The following TRAPPC9 variants were observed in gnomAD, a reference collection of about 807,000 sequenced individuals.
TRAPPC9 encodes the protein trafficking protein particle complex subunit 9, also known as IKK2 binding protein.
A neutral mutation model predicts 124.0 loss-of-function variants in TRAPPC9; 83 were observed. That is an observed-to-expected ratio of 0.67 (90% CI 0.56 to 0.80). The LOEUF (loss-of-function observed/expected upper bound fraction) is 0.80. TRAPPC9 is among the 30% of genes least tolerant of loss of function. TRAPPC9 has a pLI of 0.00. For synonymous variants in TRAPPC9, 638 were observed against 617.5 expected, an observed-to-expected ratio of 1.03 and a Z score of -0.49; for missense variants, 1,302 against 1,508.3, an observed-to-expected ratio of 0.86 and a Z score of 2.27.
chr8:140,272,013 C>T (rs1330432822), intron 15 of TRAPPC9, among the ~76,000 whole-genome samples: 19 of 147,770 alleles, frequency 1.3e-4, no homozygotes, highest in Middle Eastern at 3.5e-3. Flanking sequence ...ATGGTGGTGA[C>T]GGGTGATGGT....
intron 7 of TRAPPC9, among the ~76,000 whole-genome samples, chr8:140,381,222 A>T (rs2068598631): frequency 6.7e-6 from 1 of 149,198 alleles, no homozygotes; most frequent in South Asian, 2.1e-4. Context: ...AAAAAAAAAG[A>T]AGAAGAAAAG....
At chr8:140,069,556 G>A (rs1180632509) in intron 17 of TRAPPC9, among the ~76,000 whole-genome samples, 1 of 129,826 alleles carries the variant, frequency 7.7e-6, no homozygotes, top group Non-Finnish European at 1.7e-5. Context: ...CAACTTTGTG[G>A]CCTGCAAATC....
At chr8:139,866,796 A>C (rs764885294) in intron 21 of TRAPPC9, among the ~76,000 whole-genome samples, 1 of 152,042 alleles carries the variant, frequency 6.6e-6, no homozygotes, top group Non-Finnish European at 1.5e-5. Context: ...TTCTATTCAT[A>C]TGTATATGTC....
chr8:139,885,085 T>TG (rs2131110540), intron 21 of TRAPPC9, among the ~76,000 whole-genome samples: 1 of 152,286 alleles, frequency 6.6e-6, no homozygotes, highest in South Asian at 2.1e-4. Context: ...AATGACCTCT[T>TG]GGGTAAAGAA....
chr8:139,881,523 G>A (rs2131092202), intron 21 of TRAPPC9, among the ~76,000 whole-genome samples: 1 of 152,192 alleles, frequency 6.6e-6, no homozygotes, highest in East Asian at 1.9e-4. Context: ...AAATAGACCT[G>A]CTCTGGTCTC....
intron 19 of TRAPPC9, among the ~76,000 whole-genome samples, chr8:139,939,221 A>C (rs1833745769): frequency 6.6e-6 from 1 of 152,238 alleles, no homozygotes; most frequent in Admixed American, 6.5e-5. Context: ...GTGAAAGCCC[A>C]GAGTCCAAGG....
intron 17 of TRAPPC9, among the ~76,000 whole-genome samples, chr8:140,086,994 C>T (rs1844229874): frequency 6.6e-6 from 1 of 152,012 alleles, no homozygotes; most frequent in Non-Finnish European, 1.5e-5. Context: ...TCCTGTTTCC[C>T]TGTTCTCTAC....
At chr8:140,082,694 C>T (rs1481547956) in intron 17 of TRAPPC9, among the ~76,000 whole-genome samples, 2 of 152,200 alleles carry the variant, frequency 1.3e-5, no homozygotes, top group Non-Finnish European at 2.9e-5. Context: ...AGAAATACAG[C>T]TTTTGCAAAA....
intron 17 of TRAPPC9, among the ~76,000 whole-genome samples, chr8:140,033,655 GTGGTT>G (rs1840643062): frequency 1.8e-5 from 1 of 55,444 alleles, no homozygotes; most frequent in African/African-American, 4.0e-5. Flanking sequence ...TCTTCATAAT[GTGGTT>G]TTTTTTTTTT....
At chr8:139,982,469 G>A (rs1014854752) in intron 19 of TRAPPC9, among the ~76,000 whole-genome samples, 12 of 152,168 alleles carry the variant, frequency 7.9e-5, no homozygotes, top group African/African-American at 1.7e-4. Flanking sequence ...ACACTGCCCC[G>A]GGGTAGAAAT....
chr8:139,898,355 G>A (rs567591577), intron 20 of TRAPPC9, among the ~76,000 whole-genome samples: 35 of 152,208 alleles, frequency 2.3e-4, no homozygotes, highest in Non-Finnish European at 3.4e-4. Flanking sequence ...GCAGGTTTAC[G>A]GTCTCTGAGT....
chr8:140,457,497 AC>A (rs1464628308), intron 1 of TRAPPC9, 141 bp downstream of exon 1: 1 of 665,636 alleles, frequency 1.5e-6, no homozygotes, highest in Non-Finnish European at 1.9e-6. Context: ...GCGGACCCGG[AC>A]AGGTGTGGCG....
At chr8:140,279,626 G>A (rs1041345184) in intron 14 of TRAPPC9, among the ~76,000 whole-genome samples, 5 of 152,174 alleles carry the variant, frequency 3.3e-5, no homozygotes, top group African/African-American at 1.2e-4. Flanking sequence ...CGGTGCCGTG[G>A]TGGCCGCCCA....
At chr8:140,011,791 C>T (rs1426536194) in intron 18 of TRAPPC9, among the ~76,000 whole-genome samples, 1 of 151,036 alleles carries the variant, frequency 6.6e-6, no homozygotes, top group Non-Finnish European at 1.5e-5. Flanking sequence ...GATTCTCCTG[C>T]CTCAGCCTCC....
intron 19 of TRAPPC9, among the ~76,000 whole-genome samples, chr8:139,922,687 G>A (rs761078535): frequency 3.3e-5 from 5 of 152,196 alleles, no homozygotes; most frequent in East Asian, 1.9e-4. Flanking sequence ...GGTGAGACGC[G>A]GCCCAGAGGC....
intron 17 of TRAPPC9, among the ~76,000 whole-genome samples, chr8:140,127,917 A>G (rs1004740888): frequency 5.3e-5 from 8 of 152,360 alleles, no homozygotes; most frequent in African/African-American, 1.9e-4. Flanking sequence ...GAAGTCATAA[A>G]TTCTAAAGCA....
At chr8:139,942,381 AT>A (rs540316713) in intron 19 of TRAPPC9, among the ~76,000 whole-genome samples, 1 of 126,062 alleles carries the variant, frequency 7.9e-6, no homozygotes, top group Non-Finnish European at 1.7e-5. Context: ...TGGTCATTTT[AT>A]TTTTAAAAAA....
At chr8:139,915,151 G>A (rs1021025328) in intron 19 of TRAPPC9, among the ~76,000 whole-genome samples, 1 of 98,196 alleles carries the variant, frequency 1.0e-5, no homozygotes, top group Non-Finnish European at 2.1e-5. Flanking sequence ...CTCCTGGAGG[G>A]TGGCGGTGGC....
At chr8:139,879,672 C>T (rs1049068638) in intron 21 of TRAPPC9, among the ~76,000 whole-genome samples, 1 of 152,194 alleles carries the variant, frequency 6.6e-6, no homozygotes, top group Non-Finnish European at 1.5e-5. Flanking sequence ...GCCCTGCTGT[C>T]CTACACCAGG....
Sources: gnomAD v4.1 joint callset for allele counts (sites outside exome capture counted in the v4.1 genomes callset) on GRCh38, gnomAD v4.1.1 for gene constraint, MANE v1.5 for transcripts, NCBI Gene and HGNC (gene_info 2026-07-23, HGNC 2026-07-21) for gene names.